Variants in TNS3 observed in about 807,000 individuals in gnomAD.
TNS3 encodes the protein tensin-3.
Under a neutral mutation model 140.9 loss-of-function variants are expected in TNS3, and 45 were observed. The ratio of observed to expected loss-of-function variants is 0.32; its 90% CI spans 0.25 to 0.41. The LOEUF is 0.41. Among genes scored for constraint, TNS3 ranks in the 10% least tolerant of loss-of-function variants. The pLI, the probability that TNS3 is intolerant of heterozygous loss-of-function variation, is 1.00. For synonymous variants in TNS3, 815 were observed against 788.4 expected (o/e 1.03, Z -0.56); for missense variants, 1,716 against 1,906.7 (o/e 0.90, Z 1.86).
intron 4 of TNS3, among the ~76,000 whole-genome samples, chr7:47,480,273 A>C (rs1402585854): frequency 6.6e-6 from 1 of 152,182 alleles, no homozygotes. Flanking sequence ...AGGGAACAAC[A>C]CACCTGACAG....
chr7:47,447,083 G>A (rs1460489059), intron 4 of TNS3, among the ~76,000 whole-genome samples: 1 of 84,350 alleles, frequency 1.2e-5, no homozygotes, highest in African/African-American at 3.3e-5. Context: ...GGTCAATGAG[G>A]TCACTAAACT....
At chr7:47,346,131 G>A in intron 18 of TNS3, 56 bp downstream of exon 18, 1 of 1,594,178 alleles carries the variant, frequency 6.3e-7, no homozygotes, top group African/African-American at 1.3e-5. Context: ...CGGGGTTCCA[G>A]GACAAGAAAG....
At chr7:47,377,846 C>G (rs1791499771) in intron 16 of TNS3, among the ~76,000 whole-genome samples, 1 of 148,224 alleles carries the variant, frequency 6.7e-6, no homozygotes. Flanking sequence ...TTCCATGAGA[C>G]AATGGAAACC....
Position 47,276,306 on chromosome 7 carries a change from G to A in TNS3, c.*1770C>T, listed in dbSNP as rs929207371. On this transcript the variant is annotated 3_prime_UTR_variant, in exon 31 of 31. Coordinates refer to ENST00000311160, the MANE Select transcript of TNS3 (RefSeq NM_022748.12). ...GAATGGTCCACCTGCTTTCACACAC[G>A]CATACACGCACGCATGCACACACGC... 5.2e-5 allele frequency: 9 copies of A among 174,480 alleles called. No individual in the cohort carries two copies. Among genetic ancestry groups the A allele is most frequent in the East Asian group, 3.4e-4 (2 of 5,928 alleles). 10.8% of individuals were successfully genotyped at this position (174,480 alleles called of 1,614,324 possible).
Position 47,292,856 on chromosome 7 carries a change from C to T in TNS3, c.3822G>A (p.Leu1274=), listed in dbSNP as rs1584328648. The T allele has an allele frequency of 6.2e-7, 1 of 1,614,152 alleles. No individual in the cohort carries two copies. The highest frequency in any genetic ancestry group is 8.5e-7 in the Non-Finnish European group (1 of 1,180,024). Residue 1274 remains leucine, a synonymous_variant, in exon 26 of 31, where the codon TTG becomes TTA. Coordinates refer to ENST00000311160, the MANE Select transcript of TNS3 (RefSeq NM_022748.12). The part of the protein sequence containing the change: ...VCQHSITPLA[L]PCKLLIPERD... ...TCTCTGGGATAAGCAGCTTGCACGG[C>T]AAGGCCAAGGGCGTGATGGAATGCT... is the stretch of plus-strand genomic sequence containing the variant.
rs1298341355 is a variant in TNS3 at position 47,276,485 on chromosome 7, T to C, written c.*1591A>G. Reference sequence around the variant, plus strand: ...TTGTGACACCAGTGTGGCCTAAGAATGGGGGATTTGACTTTTGAAAGCAGA... The same window carrying C: ...TTGTGACACCAGTGTGGCCTAAGAACGGGGGATTTGACTTTTGAAAGCAGA... On this transcript the variant is annotated 3_prime_UTR_variant, in exon 31 of 31. Transcript: ENST00000311160. 1 of 152,198 alleles carries C rather than the reference T, an allele frequency of 6.6e-6. No homozygotes were observed. Among genetic ancestry groups the C allele is most frequent in the African/African-American group, 2.4e-5 (1 of 41,410 alleles). The allele number at this position is 152,198 out of a possible 1,614,324, so 9.4% of individuals were successfully genotyped here. A position where few individuals can be genotyped will look rare whatever the true frequency, so the allele number is the denominator to read the frequency against.
chr7:47,297,112 G>A lies in TNS3; in HGVS notation c.3646C>T (p.Pro1216Ser), dbSNP rs762025606. 24 of 1,614,024 alleles carry A rather than the reference G, an allele frequency of 1.5e-5. No homozygotes were observed. Among genetic ancestry groups the A allele is most frequent in the Non-Finnish European group, 2.0e-5 (24 of 1,180,036 alleles). ...TTGTTCAGCTGCAGGACTGAAGGTG[G>A]GGGCGTGGCCACCTTCATGGCCAGG... ...YGLAMKVATP[P>S]PSVLQLNKKA... Residue 1216 changes from proline to serine, a missense_variant, in exon 24 of 31, where the codon CCA becomes TCA. This residue lies in a region of TNS3 where 216 missense variants were observed against 295.7 expected (regional missense o/e 0.73). Transcript: ENST00000311160.
chr7:47,543,992 G>A (rs1799858966), intron 1 of TNS3, among the ~76,000 whole-genome samples: 1 of 152,170 alleles, frequency 6.6e-6, no homozygotes, highest in South Asian at 2.1e-4. Flanking sequence ...CTGACTTTGA[G>A]AAGTAAATAA....
Position 47,344,945 on chromosome 7 carries a change from C to G in TNS3, c.2545G>C (p.Val849Leu), listed in dbSNP as rs969830563. The part of the protein sequence containing the change: ...ESMCSTPAFP[V>L]SPETPYVKTA... Reference sequence around the variant, plus strand: ...TTACCATACGGTGTCTCTGGAGACACAGGAAATGCTGGAGTTGAACACATG... The same window carrying G: ...TTACCATACGGTGTCTCTGGAGACAGAGGAAATGCTGGAGTTGAACACATG... The change falls in exon 19 of 31, where the codon GTG (valine) becomes CTG (leucine). Residue 849 changes from valine (V) to leucine (L), a missense_variant. Coordinates refer to ENST00000311160, the MANE Select transcript of TNS3 (RefSeq NM_022748.12). 1 of 1,614,082 alleles carries G rather than the reference C, an allele frequency of 6.2e-7. No homozygotes were observed. The highest frequency in any genetic ancestry group is 8.5e-7 in the Non-Finnish European group (1 of 1,180,040).
intron 17 of TNS3, among the ~76,000 whole-genome samples, chr7:47,365,306 A>G (rs906508548): frequency 3.9e-5 from 6 of 152,044 alleles, no homozygotes; most frequent in African/African-American, 1.4e-4. Context: ...TTAACCAGGC[A>G]TGGAGGTGCA....
At chr7:47,453,597 T>C (rs1270474270) in intron 4 of TNS3, among the ~76,000 whole-genome samples, 1 of 152,130 alleles carries the variant, frequency 6.6e-6, no homozygotes, top group Non-Finnish European at 1.5e-5. Flanking sequence ...CATAACTAAA[T>C]AAAATTTTTA....
chr7:47,508,614 C>T lies in TNS3; in HGVS notation c.-152-1670G>A, dbSNP rs141446389. ...GTCACAGGACCACGACATCATGCAGCGGTTAGCCTTCCAGATGGCCTGGGT... is the reference window on the plus strand; with the variant it reads ...GTCACAGGACCACGACATCATGCAGTGGTTAGCCTTCCAGATGGCCTGGGT... On this transcript the variant is annotated intron_variant, in intron 2 of 30. Coordinates refer to ENST00000311160, the MANE Select transcript of TNS3 (RefSeq NM_022748.12). Among the ~76,000 whole-genome samples the T allele has an allele frequency of 4.9e-3, 739 of 152,344 alleles. 5 individuals are homozygous for T. The highest frequency in any genetic ancestry group is 0.017 in the African/African-American group (687 of 41,584).
At chr7:47,561,471 CT>C (rs983928103) in intron 1 of TNS3, among the ~76,000 whole-genome samples, 1 of 151,878 alleles carries the variant, frequency 6.6e-6, no homozygotes, top group African/African-American at 2.4e-5. Flanking sequence ...TTTCTTAACT[CT>C]TTTTTTTAAA....
rs573263249 is a variant in TNS3, at chr7:47,437,413, T to A, written c.151-100A>T. 270 of 445,646 alleles carry A rather than the reference T, an allele frequency of 6.1e-4. 1 individual carries two copies. Among genetic ancestry groups the A allele is most frequent in the African/African-American group, 4.1e-3 (196 of 47,812 alleles). 27.6% of individuals were successfully genotyped at this position (445,646 alleles called of 1,614,324 possible). On this transcript the variant is annotated intron_variant, in intron 6 of 30. Coordinates refer to ENST00000311160, the MANE Select transcript of TNS3 (RefSeq NM_022748.12). ...TTAATTTTAATTAATACTAATTTTT[T>A]AAAAAAATATCTAAAATCTTCACAC...
chr7:47,386,097 T>C lies in TNS3; in HGVS notation c.1024+10703A>G, dbSNP rs116582410. ...CCTAAATTAATTCAACTTTCCATAG[T>C]GAAGTCTGAAAGACTACTATGTCAA... On this transcript the variant is annotated intron_variant, in intron 16 of 30. Coordinates refer to ENST00000311160, the MANE Select transcript of TNS3 (RefSeq NM_022748.12). Among the ~76,000 whole-genome samples the C allele has an allele frequency of 6.9e-3, 1,047 of 152,390 alleles. 13 individuals are homozygous for C. Among genetic ancestry groups the C allele is most frequent in the African/African-American group, 0.024 (991 of 41,590 alleles).
intron 10 of TNS3, among the ~76,000 whole-genome samples, chr7:47,418,026 C>T (rs944644581): frequency 2.0e-5 from 3 of 152,204 alleles, no homozygotes; most frequent in Admixed American, 6.5e-5. Flanking sequence ...CAGTGGCTCC[C>T]GCCTATAATC....
chr7:47,559,867 G>A (rs1191656622), intron 1 of TNS3, among the ~76,000 whole-genome samples: 4 of 152,146 alleles, frequency 2.6e-5, no homozygotes, highest in African/African-American at 2.4e-5. Flanking sequence ...CTTCACATTC[G>A]GCGGTCGAGC....
intron 4 of TNS3, among the ~76,000 whole-genome samples, chr7:47,471,505 G>T (rs1584731284): frequency 6.6e-6 from 1 of 152,194 alleles, no homozygotes; most frequent in South Asian, 2.1e-4. Flanking sequence ...ACTCCTGCAG[G>T]CAGCTCCAGG....
intron 13 of TNS3, among the ~76,000 whole-genome samples, chr7:47,402,405 T>C (rs1214333297): frequency 6.6e-6 from 1 of 152,112 alleles, no homozygotes; most frequent in Admixed American, 6.5e-5. Flanking sequence ...AAAACTGGCA[T>C]TGTGAAGAAA....
Sources: gnomAD v4.1 joint callset for allele counts (sites outside exome capture counted in the v4.1 genomes callset) on GRCh38, gnomAD v4.1.1 for gene constraint, gnomAD v4.1.1 regional missense constraint, MANE v1.5 for transcripts, NCBI Gene and HGNC (gene_info 2026-07-23, HGNC 2026-07-21) for gene names.